The following PCNX2 variants were observed in gnomAD, a reference collection of about 807,000 sequenced individuals.
The protein encoded by PCNX2 is pecanex 2, also known as pecanex-like protein 2.
In PCNX2, 168 loss-of-function variants were observed where a neutral mutation model predicts 223.8. The ratio of observed to expected loss-of-function variants is 0.75; its 90% confidence interval spans 0.66 to 0.85. PCNX2 has a LOEUF of 0.85. Among genes scored for constraint, PCNX2 ranks in the 40% least tolerant of loss-of-function variants. The pLI, the probability that PCNX2 is intolerant of heterozygous loss-of-function variation, is 0.00. For missense variants in PCNX2, 2,507 were observed against 2,675.5 expected, an observed-to-expected ratio of 0.94 and a Z score of 1.39; for synonymous variants, 1,006 against 1,052.6, an observed-to-expected ratio of 0.96 and a Z score of 0.86.
intron 10 of PCNX2, among the ~76,000 whole-genome samples, chr1:233,224,389 A>G (rs1402327741): frequency 2.0e-5 from 3 of 152,234 alleles, no homozygotes; most frequent in Non-Finnish European, 2.9e-5. Context: ...CTGCCCAAAG[A>G]CTAAGAAAAC....
intron 9 of PCNX2, among the ~76,000 whole-genome samples, chr1:233,232,537 A>T (rs575955923): frequency 6.6e-6 from 1 of 152,342 alleles, no homozygotes; most frequent in South Asian, 2.1e-4. Flanking sequence ...AGTGAAAAAG[A>T]TGCAAATGTT....
At chr1:233,029,409 AATT>A (rs1224448155) in intron 25 of PCNX2, among the ~76,000 whole-genome samples, 9 of 152,168 alleles carry the variant, frequency 5.9e-5, no homozygotes, top group Non-Finnish European at 1.5e-5. Context: ...ACATTCTTAT[AATT>A]TTTTGCTTAA....
chr1:233,147,883 A>G (rs1412465774), intron 19 of PCNX2, among the ~76,000 whole-genome samples: 1 of 152,236 alleles, frequency 6.6e-6, no homozygotes, highest in African/African-American at 2.4e-5. Context: ...AAGGAGCTCT[A>G]CGTTGGACTT....
chr1:233,146,342 A>G (rs1001822015), intron 19 of PCNX2, among the ~76,000 whole-genome samples: 3 of 152,196 alleles, frequency 2.0e-5, no homozygotes, highest in Non-Finnish European at 4.4e-5. Context: ...GGAATTCTGG[A>G]TAATTACATT....
At chr1:233,157,560 G>A (rs1678202898) in intron 19 of PCNX2, among the ~76,000 whole-genome samples, 1 of 152,140 alleles carries the variant, frequency 6.6e-6, no homozygotes, top group Non-Finnish European at 1.5e-5. Flanking sequence ...TTCTTTCCCA[G>A]TGACAATATT....
chr1:233,200,813 G>T (rs1572064812), intron 13 of PCNX2, among the ~76,000 whole-genome samples: 1 of 151,850 alleles, frequency 6.6e-6, no homozygotes. Context: ...CCTGAGGTCA[G>T]GAGTTTGAGA....
At chr1:233,302,431 T>C in the PCNX2 span, among the ~76,000 whole-genome samples, 5 of 152,102 alleles carry the variant, frequency 3.3e-5, no homozygotes, top group African/African-American at 1.2e-4. Flanking sequence ...ATCTCATTCT[T>C]TCATGATTAT....
intron 21 of PCNX2, among the ~76,000 whole-genome samples, chr1:233,111,823 C>T (rs1257890461): frequency 2.6e-5 from 4 of 152,158 alleles, no homozygotes; most frequent in Non-Finnish European, 5.9e-5. Context: ...TTTGTAGGAT[C>T]ATAGTAGGTA....
chr1:233,217,715 T>C (rs541847769), intron 12 of PCNX2, among the ~76,000 whole-genome samples, 184 bp downstream of exon 12: 1 of 152,252 alleles, frequency 6.6e-6, no homozygotes, highest in South Asian at 2.1e-4. Context: ...ACCCACACCA[T>C]GCTCTCAGAC....
intron 21 of PCNX2, among the ~76,000 whole-genome samples, chr1:233,130,546 G>A (rs1484552562): frequency 2.7e-5 from 4 of 150,704 alleles, no homozygotes; most frequent in Admixed American, 2.0e-4. Flanking sequence ...GTGCAGTGGC[G>A]CAATCTCGGC....
intron 17 of PCNX2, among the ~76,000 whole-genome samples, chr1:233,170,153 G>C (rs1679066337): frequency 6.6e-6 from 1 of 152,158 alleles, no homozygotes; most frequent in African/African-American, 2.4e-5. Flanking sequence ...TGCAAGATTT[G>C]CTCCAGAATA....
At chr1:233,207,655 G>T (rs1681557787) in intron 13 of PCNX2, among the ~76,000 whole-genome samples, 1 of 152,268 alleles carries the variant, frequency 6.6e-6, no homozygotes, top group South Asian at 2.1e-4. Context: ...TTATATCACA[G>T]TTAAGTTTTG....
chr1:233,193,436 A>C (rs568940192), intron 15 of PCNX2, among the ~76,000 whole-genome samples: 25 of 152,308 alleles, frequency 1.6e-4, no homozygotes, highest in Admixed American at 5.9e-4. Flanking sequence ...AACTTAAGAG[A>C]ACCACGCCTA....
chr1:232,998,008 T>C (rs1192361867), intron 32 of PCNX2, among the ~76,000 whole-genome samples: 3 of 152,030 alleles, frequency 2.0e-5, no homozygotes, highest in African/African-American at 7.3e-5. Flanking sequence ...CCTGGACAGG[T>C]GGACAGACAG....
chr1:233,133,551 T>C (rs1223295941), intron 21 of PCNX2, among the ~76,000 whole-genome samples: 3 of 152,108 alleles, frequency 2.0e-5, no homozygotes, highest in Non-Finnish European at 4.4e-5. Context: ...TAGTGCCCAA[T>C]TGGAGTTATA....
intron 15 of PCNX2, chr1:233,181,031 A>T (rs1225194015): frequency 6.6e-6 from 1 of 151,702 alleles, no homozygotes; most frequent in Non-Finnish European, 1.5e-5. Context: ...TCCTGCACGG[A>T]CCTCTTCTTT....
intron 9 of PCNX2, among the ~76,000 whole-genome samples, chr1:233,234,055 G>A (rs1416440823): frequency 6.6e-6 from 1 of 152,126 alleles, no homozygotes; most frequent in Non-Finnish European, 1.5e-5. Flanking sequence ...ATTCTAATCA[G>A]AATTTCTGTT....
intron 25 of PCNX2, among the ~76,000 whole-genome samples, chr1:233,026,390 T>G (rs1291930619): frequency 6.6e-6 from 1 of 152,182 alleles, no homozygotes; most frequent in Non-Finnish European, 1.5e-5. Context: ...CAGGGGCAGA[T>G]CCAACTTAGA....
chr1:233,145,008 AGGCTGAAGTGCAGT>A (rs1677357905), intron 19 of PCNX2, among the ~76,000 whole-genome samples: 2 of 142,570 alleles, frequency 1.4e-5, no homozygotes, highest in South Asian at 4.4e-4. Context: ...TCTGTCACCC[AGGCTGAAGTGCAGT>A]GGCTCAATCT....
Sources: gnomAD v4.1 joint callset for allele counts (sites outside exome capture counted in the v4.1 genomes callset) on GRCh38, gnomAD v4.1.1 for gene constraint, MANE v1.5 for transcripts, NCBI Gene and HGNC (gene_info 2026-07-23, HGNC 2026-07-21) for gene names.